METTL15: variants seen among roughly 807,000 people sequenced by gnomAD.
METTL15 encodes the protein 12S rRNA N(4)-cytidine methyltransferase METTL15.
A neutral mutation model predicts 38.3 loss-of-function variants in METTL15; 34 were observed. That is an observed-to-expected ratio of 0.89 (90% CI 0.68 to 1.18). METTL15 has a LOEUF of 1.18. Ranked by LOEUF, METTL15 falls within the 50% of genes most tolerant of loss-of-function variation. METTL15 has a pLI of 0.00. For synonymous variants in METTL15, 162 were observed against 170.9 expected, an observed-to-expected ratio of 0.95 and a Z score of 0.41; for missense variants, 438 against 498.4, an observed-to-expected ratio of 0.88 and a Z score of 1.15.
chr11:28,486,116 C>A (rs770911327), intron 6 of METTL15, among the ~76,000 whole-genome samples: 11 of 152,126 alleles, frequency 7.2e-5, no homozygotes, highest in Non-Finnish European at 2.9e-5. Flanking sequence ...AGGGGAGTAT[C>A]AATTTTAGTT....
chr11:28,369,991 A>T (rs1337503178), intron 5 of METTL15, among the ~76,000 whole-genome samples: 1 of 152,170 alleles, frequency 6.6e-6, no homozygotes, highest in South Asian at 2.1e-4. Context: ...TAACGATTTA[A>T]TAGAGTCACT....
At chr11:28,395,128 G>A (rs76954685) in intron 5 of METTL15, among the ~76,000 whole-genome samples, 2,314 of 152,022 alleles carry the variant, frequency 0.015, 28 homozygotes, top group Middle Eastern at 0.027. Flanking sequence ...GACAATTATC[G>A]TTTGCCCACA....
At chr11:28,108,867 CAT>C (rs1191675083) in intron 1 of METTL15, among the ~76,000 whole-genome samples, 1 of 152,122 alleles carries the variant, frequency 6.6e-6, no homozygotes, top group African/African-American at 2.4e-5. Flanking sequence ...ATTATTTCAG[CAT>C]AGACACTTTA....
chr11:28,529,942 G>A (rs1192271050), downstream of METTL15, among the ~76,000 whole-genome samples: 1 of 152,098 alleles, frequency 6.6e-6, no homozygotes, highest in Non-Finnish European at 1.5e-5. Context: ...GCAGAAAATA[G>A]CTCCATAAAA....
At chr11:28,519,701 C>A (rs1851748491) in intron 6 of METTL15, among the ~76,000 whole-genome samples, 1 of 152,126 alleles carries the variant, frequency 6.6e-6, no homozygotes, top group East Asian at 1.9e-4. Context: ...CAAACTAGAG[C>A]AGCTGTACTT....
At chr11:28,410,407 CAA>C (rs1564923452) in intron 5 of METTL15, among the ~76,000 whole-genome samples, 1 of 151,980 alleles carries the variant, frequency 6.6e-6, no homozygotes, top group Non-Finnish European at 1.5e-5. Flanking sequence ...AACAACACAT[CAA>C]AGAGACTATA....
chr11:28,522,677 G>A (rs1055830230), intron 6 of METTL15, among the ~76,000 whole-genome samples: 2 of 152,140 alleles, frequency 1.3e-5, no homozygotes, highest in Non-Finnish European at 2.9e-5. Flanking sequence ...AGGAGCCTCA[G>A]GAACCAACAC....
chr11:28,228,415 C>T (rs1417788106), intron 4 of METTL15, among the ~76,000 whole-genome samples: 1 of 151,806 alleles, frequency 6.6e-6, no homozygotes, highest in African/African-American at 2.4e-5. Flanking sequence ...TTACATACTT[C>T]CTAGAAATGA....
At chr11:28,425,882 A>C (rs1391313324) in intron 6 of METTL15, among the ~76,000 whole-genome samples, 6 of 152,190 alleles carry the variant, frequency 3.9e-5, no homozygotes, top group Admixed American at 3.9e-4. Context: ...TTGTTGACAA[A>C]CTATTTGAAT....
intron 6 of METTL15, among the ~76,000 whole-genome samples, chr11:28,470,304 G>A (rs915940399): frequency 6.6e-6 from 1 of 152,130 alleles, no homozygotes; most frequent in African/African-American, 2.4e-5. Flanking sequence ...AGAAGTTTTA[G>A]TTGGGCACAA....
intron 3 of METTL15, among the ~76,000 whole-genome samples, chr11:28,166,991 A>G (rs1198711210): frequency 6.6e-6 from 1 of 152,178 alleles, no homozygotes; most frequent in Non-Finnish European, 1.5e-5. Context: ...TGCATATTTC[A>G]TCTATTCTTT....
At chr11:28,488,536 A>G (rs1851455696) in intron 6 of METTL15, among the ~76,000 whole-genome samples, 1 of 152,156 alleles carries the variant, frequency 6.6e-6, no homozygotes, top group Non-Finnish European at 1.5e-5. Flanking sequence ...GACTAATTTC[A>G]TTATGTCATA....
chr11:28,230,824 A>T (rs1159832431), intron 4 of METTL15, among the ~76,000 whole-genome samples: 1 of 151,802 alleles, frequency 6.6e-6, no homozygotes, highest in Non-Finnish European at 1.5e-5. Context: ...GAGAGAATGC[A>T]ATCTAAATTT....
At chr11:28,379,395 G>A (rs1029802041) in intron 5 of METTL15, among the ~76,000 whole-genome samples, 6 of 151,624 alleles carry the variant, frequency 4.0e-5, no homozygotes, top group Admixed American at 2.6e-4. Context: ...CATAGATTTT[G>A]GTCTGTTGTA....
At position 28,174,510 on chromosome 11, in the gene METTL15, A is replaced by T. The variant is rs187103889; in HGVS notation, c.271-36552A>T. On this transcript the variant is annotated intron_variant, in intron 3 of 6. Transcript: ENST00000407364. ...GGACTCAAATATTAATTCCAGACATATTTTTTTAAGATCTCTATTTTGGGT... is the reference window on the plus strand; with the variant it reads ...GGACTCAAATATTAATTCCAGACATTTTTTTTTAAGATCTCTATTTTGGGT... Among the ~76,000 whole-genome samples, 15 of 152,174 alleles carry T rather than the reference A, an allele frequency of 9.9e-5. No individual in the cohort carries two copies. In the East Asian group the frequency reaches 1.5e-3, roughly 16 times the overall value.
At chr11:28,280,681 T>TG (rs1257636971) in intron 4 of METTL15, among the ~76,000 whole-genome samples, 1 of 151,132 alleles carries the variant, frequency 6.6e-6, no homozygotes, top group African/African-American at 2.4e-5. Flanking sequence ...TTTTTTTTTT[T>TG]TGTATCTTCC....
At chr11:28,381,686 G>T (rs544637986) in intron 5 of METTL15, among the ~76,000 whole-genome samples, 10 of 152,100 alleles carry the variant, frequency 6.6e-5, no homozygotes, top group Admixed American at 5.9e-4. Context: ...GTATTTATTG[G>T]TTCTAAGATT....
chr11:28,388,070 A>C (rs1850459942), intron 5 of METTL15, among the ~76,000 whole-genome samples: 1 of 152,126 alleles, frequency 6.6e-6, no homozygotes, highest in Admixed American at 6.6e-5. Flanking sequence ...AATGCCATAT[A>C]TAAACAACTC....
chr11:28,233,246 T>C (rs1784041925), intron 4 of METTL15, among the ~76,000 whole-genome samples: 1 of 152,078 alleles, frequency 6.6e-6, no homozygotes, highest in African/African-American at 2.4e-5. Context: ...TACTGCTTAA[T>C]AACATAGATA....
Sources: gnomAD v4.1 joint callset for allele counts (sites outside exome capture counted in the v4.1 genomes callset) on GRCh38, gnomAD v4.1.1 for gene constraint, MANE v1.5 for transcripts, NCBI Gene and HGNC (gene_info 2026-07-23, HGNC 2026-07-21) for gene names.